Variants in RPS6KC1 observed in about 807,000 individuals in gnomAD.
The protein encoded by RPS6KC1 is ribosomal protein S6 kinase C1, also known as inactive ribosomal protein S6 kinase delta-1.
In RPS6KC1, 54 loss-of-function variants were observed where a neutral mutation model predicts 103.8. The ratio of observed to expected loss-of-function variants is 0.52; its 90% CI spans 0.42 to 0.65. The LOEUF is 0.65. RPS6KC1 is among the 30% of genes least tolerant of loss of function. RPS6KC1 has a pLI of 0.00. For synonymous variants in RPS6KC1, 439 were observed against 438.7 expected (o/e 1.00, Z -0.01); for missense variants, 1,151 against 1,253.8 (o/e 0.92, Z 1.24).
chr1:213,279,285 G>C (rs1231597193), downstream of RPS6KC1, among the ~76,000 whole-genome samples: 4 of 151,998 alleles, frequency 2.6e-5, no homozygotes, highest in East Asian at 7.7e-4. Context: ...AAATGAGGGG[G>C]TACTTAATCA....
Position 213,242,005 on chromosome 1 carries a change from A to G in RPS6KC1, c.2529A>G (p.Val843=). 6.2e-7 allele frequency: 1 copy of G among 1,613,986 alleles called. No homozygotes were observed. The highest frequency in any genetic ancestry group is 8.5e-7 in the Non-Finnish European group (1 of 1,179,898). ...CAGACACTTTAAAAACAGAAGAAGT[A>G]TTGCTGTTTACAGATCAGACTGATG... is the stretch of plus-strand genomic sequence containing the variant. ...ASTDTLKTEE[V]LLFTDQTDDL... is the part of the protein sequence containing the mutation. The change falls in exon 11 of 15, where the codon GTA becomes GTG. Residue 843 remains valine (V), a synonymous_variant. Transcript: ENST00000366960.
At chr1:213,680,436 G>A in the RPS6KC1 span, among the ~76,000 whole-genome samples, 1 of 152,168 alleles carries the variant, frequency 6.6e-6, no homozygotes, top group African/African-American at 2.4e-5. Flanking sequence ...CCCATGATGA[G>A]CAGGTGAGCT....
chr1:213,529,448 AT>A, the RPS6KC1 span, among the ~76,000 whole-genome samples: 1 of 152,154 alleles, frequency 6.6e-6, no homozygotes, highest in Non-Finnish European at 1.5e-5. Flanking sequence ...TAATATGTAC[AT>A]TTTTTTAACC....
At chr1:213,632,944 A>G in the RPS6KC1 span, among the ~76,000 whole-genome samples, 4 of 152,210 alleles carry the variant, frequency 2.6e-5, no homozygotes, top group African/African-American at 9.6e-5. Flanking sequence ...AAGAAAGGGT[A>G]TCAGTGATTG....
chr1:213,595,024 C>T, the RPS6KC1 span, among the ~76,000 whole-genome samples: 7 of 152,070 alleles, frequency 4.6e-5, no homozygotes, highest in East Asian at 3.9e-4. Flanking sequence ...GGAAGAGTGC[C>T]GTTCCAGAAC....
the RPS6KC1 span, among the ~76,000 whole-genome samples, chr1:213,618,952 G>A: frequency 1.3e-5 from 2 of 152,206 alleles, no homozygotes; most frequent in African/African-American, 4.8e-5. Context: ...TGTGGGGAGT[G>A]CAGTGATGGC....
At chr1:213,585,857 C>T in the RPS6KC1 span, among the ~76,000 whole-genome samples, 1 of 152,064 alleles carries the variant, frequency 6.6e-6, no homozygotes, top group Non-Finnish European at 1.5e-5. Flanking sequence ...GACTGGGTGC[C>T]CAGGATGATC....
At chr1:213,700,157 T>C in the RPS6KC1 span, among the ~76,000 whole-genome samples, 123,461 of 151,804 alleles carry the variant, frequency 0.81, 50,272 homozygotes, top group African/African-American at 0.85. Flanking sequence ...CTCCATGTTT[T>C]CTTGTAGGAA....
intron 1 of RPS6KC1, among the ~76,000 whole-genome samples, chr1:213,062,066 C>G (rs2077889340): frequency 6.6e-6 from 1 of 151,452 alleles, no homozygotes; most frequent in Admixed American, 6.6e-5. Flanking sequence ...TTTTTTTTAA[C>G]CTAGGAAATA....
At chr1:213,260,756 C>CAAAAAAAA (rs35685015) in intron 12 of RPS6KC1, among the ~76,000 whole-genome samples, 2 of 121,678 alleles carry the variant, frequency 1.6e-5, no homozygotes, top group Non-Finnish European at 1.7e-5. Context: ...CTAAAAGCCT[C>CAAAAAAAA]AAAAAAAAAA....
At chr1:213,413,600 A>G in the RPS6KC1 span, among the ~76,000 whole-genome samples, 1 of 152,180 alleles carries the variant, frequency 6.6e-6, no homozygotes, top group Non-Finnish European at 1.5e-5. Context: ...GTTTCTATCC[A>G]TGCGTACATC....
the RPS6KC1 span, among the ~76,000 whole-genome samples, chr1:213,619,145 G>T: frequency 6.6e-6 from 1 of 152,182 alleles, no homozygotes; most frequent in South Asian, 2.1e-4. Context: ...ACTCAACAAA[G>T]ACCCAGGTTC....
intron 6 of RPS6KC1, among the ~76,000 whole-genome samples, chr1:213,137,208 G>A (rs57140665): frequency 0.034 from 5,185 of 151,836 alleles, 121 homozygotes; most frequent in Middle Eastern, 0.054. Context: ...ACCTTGAAGG[G>A]GTATCACTCA....
At chr1:213,065,312 A>G (rs1230619278) in intron 1 of RPS6KC1, among the ~76,000 whole-genome samples, 1 of 152,186 alleles carries the variant, frequency 6.6e-6, no homozygotes, top group Admixed American at 6.5e-5. Context: ...ACTGTTTTAA[A>G]TTCCAACTTT....
the RPS6KC1 span, among the ~76,000 whole-genome samples, chr1:213,369,143 T>C: frequency 1.3e-5 from 2 of 152,218 alleles, no homozygotes; most frequent in Non-Finnish European, 2.9e-5. Context: ...GGAGTCAGTA[T>C]GCTACAGATA....
At chr1:213,738,007 A>C in the RPS6KC1 span, among the ~76,000 whole-genome samples, 1 of 152,224 alleles carries the variant, frequency 6.6e-6, no homozygotes, top group Non-Finnish European at 1.5e-5. Context: ...TAATGTCTCC[A>C]AGGTGTGAAG....
chr1:213,178,242 A>T (rs928355206), intron 8 of RPS6KC1, among the ~76,000 whole-genome samples: 4 of 148,678 alleles, frequency 2.7e-5, no homozygotes, highest in African/African-American at 1.0e-4. Flanking sequence ...TCAAGTCTTT[A>T]AAAAAAAAGG....
intron 8 of RPS6KC1, among the ~76,000 whole-genome samples, chr1:213,195,856 A>T (rs2092927712): frequency 6.6e-6 from 1 of 150,496 alleles, no homozygotes; most frequent in African/African-American, 2.5e-5. Flanking sequence ...GTATATATAT[A>T]CCATATTTTC....
At chr1:213,538,324 A>G in the RPS6KC1 span, among the ~76,000 whole-genome samples, 1 of 152,170 alleles carries the variant, frequency 6.6e-6, no homozygotes, top group Non-Finnish European at 1.5e-5. Context: ...CTTCTAGGAC[A>G]TGCTCTCTTG....
Sources: gnomAD v4.1 joint callset for allele counts (sites outside exome capture counted in the v4.1 genomes callset) on GRCh38, gnomAD v4.1.1 for gene constraint, MANE v1.5 for transcripts, NCBI Gene and HGNC (gene_info 2026-07-23, HGNC 2026-07-21) for gene names.